The following CHST14 variants were observed in gnomAD, a reference collection of about 807,000 sequenced individuals.
CHST14 encodes the protein carbohydrate (N-acetylgalactosamine 4-0) sulfotransferase 14.
Under a neutral mutation model 22.7 loss-of-function variants are expected in CHST14, and 13 were observed. The observed-to-expected ratio is 0.57, with a 90% CI of 0.37 to 0.91. The LOEUF is 0.91. Ranked by LOEUF, CHST14 falls within the 40% of genes least tolerant of loss-of-function variation. The pLI is 0.01. For missense variants in CHST14, 466 were observed against 513.1 expected, an observed-to-expected ratio of 0.91 and a Z score of 0.89; for synonymous variants, 233 against 231.9, an observed-to-expected ratio of 1.00 and a Z score of -0.04.
rs1325275745 is a variant in CHST14, at chr15:40,471,871, C to G, written c.658C>G (p.Leu220Val). The G allele has an allele frequency of 1.2e-6, 2 of 1,614,074 alleles. No individual in the cohort carries two copies. Among genetic ancestry groups the G allele is most frequent in the African/African-American group, 1.3e-5 (1 of 75,070 alleles). ...LFVREPLERLLSAYRNKFGEI... is the reference protein window; with the variant it reads ...LFVREPLERLVSAYRNKFGEI... ...TGTGCGGGAGCCCTTGGAACGCCTCCTCTCTGCCTACCGCAACAAGTTTGG... is the reference window on the plus strand; with the variant it reads ...TGTGCGGGAGCCCTTGGAACGCCTCGTCTCTGCCTACCGCAACAAGTTTGG... Residue 220 changes from leucine (L) to valine (V), a missense_variant, in exon 1 of 1, where the codon CTC becomes GTC. Physicochemically the swap from Leu to Val is conservative, Grantham distance 32 (BLOSUM62 1). Transcript: ENST00000306243. This position sits in a 1 kb window ranked among gnomAD's most constrained non-coding sequence, Gnocchi z 6.4.
In CHST14 at chr15:40,471,526, C is replaced by G. The variant is rs760814663; in HGVS notation, c.313C>G (p.Arg105Gly). The change falls in exon 1 of 1, where the codon CGG becomes GGG. Residue 105 changes from arginine (R) to glycine (G), a missense_variant. Transcript: ENST00000306243. The surrounding 1 kb of genome is among the most constrained non-coding windows in gnomAD (Gnocchi z 6.4). ...GGCTGGGGACGCGGACTTGCAAGTG[C>G]GGCAGGACGTCCGGAACAGGACCCT... ...LRAGDADLQV[R>G]QDVRNRTLRA... is the part of the protein sequence containing the mutation. 9.4e-6 allele frequency: 15 copies of G among 1,600,706 alleles called. No individual in the cohort carries two copies. The highest frequency in any genetic ancestry group is 1.3e-5 in the African/African-American group (1 of 74,862).
At position 40,471,476 on chromosome 15, in the gene CHST14, C is replaced by A; in HGVS notation, c.263C>A (p.Pro88His). Residue 88 changes from proline to histidine, a missense_variant, in exon 1 of 1, where the codon CCC (proline) becomes CAC (histidine). By Grantham distance (77) the Pro-to-His change is moderately conservative. Transcript: ENST00000306243. The surrounding 1 kb of genome is among the most constrained non-coding windows in gnomAD (Gnocchi z 6.4). ...GGCACAGCCTGGCGCGGGAAAGCCC[C>A]CAAGCCTGGGGGCCTGTCCCTCAGG... ...REGTAWRGKA[P>H]KPGGLSLRAG... 6.3e-7 allele frequency: 1 copy of A among 1,597,444 alleles called. No homozygotes were observed.
At position 40,471,831 on chromosome 15, in the gene CHST14, C is replaced by T. The variant is rs1247867672; in HGVS notation, c.618C>T (p.Tyr206=). 6.2e-7 allele frequency: 1 copy of T among 1,613,876 alleles called. No homozygotes were observed. Among genetic ancestry groups the T allele is most frequent in the East Asian group, 2.2e-5 (1 of 44,878 alleles). The change falls in exon 1 of 1, where the codon TAC becomes TAT. Residue 206 remains tyrosine, a synonymous_variant. Coordinates refer to ENST00000306243, the MANE Select transcript of CHST14 (RefSeq NM_130468.4). This position sits in a 1 kb window ranked among gnomAD's most constrained non-coding sequence, Gnocchi z 6.4. Reference sequence around the variant, plus strand: ...AGATTCGCTACCGCCTGCAGCACTACTTTAAGTTCCTGTTTGTGCGGGAGC... The same window carrying T: ...AGATTCGCTACCGCCTGCAGCACTATTTTAAGTTCCTGTTTGTGCGGGAGC... ...PEEIRYRLQH[Y]FKFLFVREPL...
chr15:40,471,880 T>C lies in CHST14; in HGVS notation c.667T>C (p.Tyr223His). Reference sequence around the variant, plus strand: ...GCCCTTGGAACGCCTCCTCTCTGCCTACCGCAACAAGTTTGGCGAGATCCG... The same window carrying C: ...GCCCTTGGAACGCCTCCTCTCTGCCCACCGCAACAAGTTTGGCGAGATCCG... ...REPLERLLSAYRNKFGEIREY... is the reference protein window; with the variant it reads ...REPLERLLSAHRNKFGEIREY... The change falls in exon 1 of 1, where the codon TAC becomes CAC. Residue 223 changes from tyrosine to histidine, a missense_variant. Coordinates refer to ENST00000306243, the MANE Select transcript of CHST14 (RefSeq NM_130468.4). The surrounding 1 kb of genome is among the most constrained non-coding windows in gnomAD (Gnocchi z 6.4). The C allele has an allele frequency of 6.2e-7, 1 of 1,614,090 alleles. No homozygotes were observed. Among genetic ancestry groups the C allele is most frequent in the Non-Finnish European group, 8.5e-7 (1 of 1,180,048 alleles).
rs1566969210 is a variant in CHST14, at chr15:40,471,736, A to G, written c.523A>G (p.Ser175Gly). Residue 175 changes from serine to glycine, a missense_variant, in exon 1 of 1, where the codon AGC becomes GGC. Coordinates refer to ENST00000306243, the MANE Select transcript of CHST14 (RefSeq NM_130468.4). The surrounding 1 kb of genome is among the most constrained non-coding windows in gnomAD (Gnocchi z 6.4). ...VMKVLAGVLDSVDVRLKMDHR... is the reference protein window; with the variant it reads ...VMKVLAGVLDGVDVRLKMDHR... ...GAAGGTGCTGGCAGGCGTCCTGGACAGCGTGGACGTCCGCCTCAAGATGGA... is the reference window on the plus strand; with the variant it reads ...GAAGGTGCTGGCAGGCGTCCTGGACGGCGTGGACGTCCGCCTCAAGATGGA... 6.2e-7 allele frequency: 1 copy of G among 1,613,504 alleles called. No homozygotes were observed. The highest frequency in any genetic ancestry group is 8.5e-7 in the Non-Finnish European group (1 of 1,180,032).
Position 40,471,305 on chromosome 15 carries a change from G to T in CHST14, c.92G>T (p.Arg31Leu), listed in dbSNP as rs1266205241. 1.3e-6 allele frequency: 2 copies of T among 1,533,186 alleles called. No individual in the cohort carries two copies. The highest frequency in any genetic ancestry group is 1.4e-5 in the African/African-American group (1 of 72,420). The allele number at this position is 1,533,186 out of a possible 1,614,324, so 95.0% of individuals were successfully genotyped here. Residue 31 changes from arginine (R) to leucine (L), a missense_variant, in exon 1 of 1, where the codon CGG becomes CTG. Arg to Leu is a moderately radical substitution (Grantham distance 102, BLOSUM62 -2). Coordinates refer to ENST00000306243, the MANE Select transcript of CHST14 (RefSeq NM_130468.4). This position sits in a 1 kb window ranked among gnomAD's most constrained non-coding sequence, Gnocchi z 6.4. The part of the protein sequence containing the change: ...ALRRAPLGRA[R>L]AGLGGPPLLL... ...AGGCGGGCCCCTCTGGGCAGGGCCC[G>T]GGCGGGGCTGGGTGGGCCGCCCCTG...
At position 40,472,379 on chromosome 15, in the gene CHST14, G is replaced by A; in HGVS notation, c.*35G>A. 6.4e-7 allele frequency: 1 copy of A among 1,561,916 alleles called. No homozygotes were observed. The highest frequency in any genetic ancestry group is 8.7e-7 in the Non-Finnish European group (1 of 1,154,526). On this transcript the variant is annotated 3_prime_UTR_variant, in exon 1 of 1. Coordinates refer to ENST00000306243, the MANE Select transcript of CHST14 (RefSeq NM_130468.4). ...TGGGGCCAGCAGCTGGTGGGGACTGGTTTCAACGCCAGCTTTCTGTGCTTC... is the reference window on the plus strand; with the variant it reads ...TGGGGCCAGCAGCTGGTGGGGACTGATTTCAACGCCAGCTTTCTGTGCTTC...
rs1242855958 is a variant in CHST14, at chr15:40,471,368, C to T, written c.155C>T (p.Ala52Val). The change falls in exon 1 of 1, where the codon GCC becomes GTC. Residue 52 changes from alanine (A) to valine (V), a missense_variant. Transcript: ENST00000306243. The surrounding 1 kb of genome is among the most constrained non-coding windows in gnomAD (Gnocchi z 6.4). Reference protein sequence around the residue: ...PSMLMFAVIVASSGLLLMIER... With the variant: ...PSMLMFAVIVVSSGLLLMIER... Reference sequence around the variant, plus strand: ...ATGCTGATGTTTGCGGTGATCGTGGCCTCCAGCGGGCTGCTGCTCATGATC... The same window carrying T: ...ATGCTGATGTTTGCGGTGATCGTGGTCTCCAGCGGGCTGCTGCTCATGATC... The T allele has an allele frequency of 1.9e-6, 3 of 1,556,082 alleles. No homozygotes were observed. Among genetic ancestry groups the T allele is most frequent in the Admixed American group, 1.9e-5 (1 of 52,970 alleles).
rs987480829 is a variant in CHST14 at position 40,472,966 on chromosome 15, T to C, written c.*622T>C. The C allele has an allele frequency of 6.0e-6, 1 of 167,196 alleles. No individual in the cohort carries two copies. The highest frequency in any genetic ancestry group is 1.5e-5 in the Non-Finnish European group (1 of 68,192). 10.4% of individuals were successfully genotyped at this position (167,196 alleles called of 1,614,324 possible). ...AGACCCTCTGTGCCCAGCCTCTTCC[T>C]TGAGTTCTCGGAACCTCCTCCCTAA... On this transcript the variant is annotated 3_prime_UTR_variant, in exon 1 of 1. Coordinates refer to ENST00000306243, the MANE Select transcript of CHST14 (RefSeq NM_130468.4).
At position 40,471,463 on chromosome 15, in the gene CHST14, C is replaced by A. The variant is rs561964206; in HGVS notation, c.250C>A (p.Arg84Ser). 53 of 1,590,434 alleles carry A rather than the reference C, an allele frequency of 3.3e-5. No homozygotes were observed. The highest frequency in any genetic ancestry group is 4.4e-5 in the Non-Finnish European group (52 of 1,173,152). ...GCCCGGCCGCGAGGGCACAGCCTGGCGCGGGAAAGCCCCCAAGCCTGGGGG... is the reference window on the plus strand; with the variant it reads ...GCCCGGCCGCGAGGGCACAGCCTGGAGCGGGAAAGCCCCCAAGCCTGGGGG... ...HPPGREGTAW[R>S]GKAPKPGGLS... The change falls in exon 1 of 1, where the codon CGC becomes AGC. Residue 84 changes from arginine (R) to serine (S), a missense_variant. Physicochemically the swap from Arg to Ser is moderately radical, Grantham distance 110 (BLOSUM62 -1). Coordinates refer to ENST00000306243, the MANE Select transcript of CHST14 (RefSeq NM_130468.4). The surrounding 1 kb of genome is among the most constrained non-coding windows in gnomAD (Gnocchi z 6.4).
Position 40,472,183 on chromosome 15 carries a change from C to T in CHST14, c.970C>T (p.Arg324Cys), listed in dbSNP as rs757297535. The change falls in exon 1 of 1, where the codon CGC (arginine) becomes TGC (cysteine). Residue 324 changes from arginine to cysteine, a missense_variant. Coordinates refer to ENST00000306243, the MANE Select transcript of CHST14 (RefSeq NM_130468.4). The stretch of plus-strand genomic sequence containing the variant: ...ACCACCTCACGTCCGATTTCCAGCT[C>T]GCCAGGCCTGGTACCGGCCAGCCAG... ...RAPPHVRFPA[R>C]QAWYRPASPE... The T allele has an allele frequency of 3.7e-6, 6 of 1,613,978 alleles. No homozygotes were observed. The Admixed American group carries it at 5.0e-5, about 13-fold the overall frequency.
rs1445518659 is a variant in CHST14, at chr15:40,471,047, C to A, written c.-167C>A. ...CCGCCGCCCGCCGCCCGCTTCGGCG[C>A]CGCAGCCCGGGAGCCGGCCACCCCT... On this transcript the variant is annotated 5_prime_UTR_variant, in exon 1 of 1. Coordinates refer to ENST00000306243, the MANE Select transcript of CHST14 (RefSeq NM_130468.4). This position sits in a 1 kb window ranked among gnomAD's most constrained non-coding sequence, Gnocchi z 6.4. 4 of 360,748 alleles carry A rather than the reference C, an allele frequency of 1.1e-5. No homozygotes were observed. In the East Asian group the frequency reaches 1.7e-4, roughly 15 times the overall value. 22.3% of individuals were successfully genotyped at this position (360,748 alleles called of 1,614,324 possible).
rs1327840065 is a variant in CHST14 at position 40,471,118 on chromosome 15, C to A, written c.-96C>A. ...CTGCCCTCCCCTCCCCAACTACCCC[C>A]GGTCCCAGACCCTCCTCCCGCCCCC... On this transcript the variant is annotated 5_prime_UTR_variant, in exon 1 of 1. Coordinates refer to ENST00000306243, the MANE Select transcript of CHST14 (RefSeq NM_130468.4). The surrounding 1 kb of genome is among the most constrained non-coding windows in gnomAD (Gnocchi z 6.4). 1 of 482,978 alleles carries A rather than the reference C, an allele frequency of 2.1e-6. No individual in the cohort carries two copies. The highest frequency in any genetic ancestry group is 2.1e-5 in the African/African-American group (1 of 48,402). The allele number at this position is 482,978 out of a possible 1,614,324, so 29.9% of individuals were successfully genotyped here.
chr15:40,471,135 C>T lies in CHST14; in HGVS notation c.-79C>T, dbSNP rs1014520536. On this transcript the variant is annotated 5_prime_UTR_variant, in exon 1 of 1. Transcript: ENST00000306243. The surrounding 1 kb of genome is among the most constrained non-coding windows in gnomAD (Gnocchi z 6.4). ...ACTACCCCCGGTCCCAGACCCTCCT[C>T]CCGCCCCCAGCCCGAGCCCGCCTTC... is the stretch of plus-strand genomic sequence containing the variant. 3.1e-5 allele frequency: 12 copies of T among 381,006 alleles called. No homozygotes were observed. The highest frequency in any genetic ancestry group is 4.4e-5 in the African/African-American group (2 of 45,372). The allele number at this position is 381,006 out of a possible 1,614,324, so 23.6% of individuals were successfully genotyped here. A position where few individuals can be genotyped will look rare whatever the true frequency, so the allele number is the denominator to read the frequency against.
At position 40,472,056 on chromosome 15, in the gene CHST14, C is replaced by G; in HGVS notation, c.843C>G (p.Pro281=). 6.2e-7 allele frequency: 1 copy of G among 1,614,192 alleles called. No homozygotes were observed. Among genetic ancestry groups the G allele is most frequent in the Non-Finnish European group, 8.5e-7 (1 of 1,180,036 alleles). Residue 281 remains proline (P), a synonymous_variant, in exon 1 of 1, where the codon CCC becomes CCG. Transcript: ENST00000306243. The stretch of plus-strand genomic sequence containing the variant: ...AGCGCATGAATGAGCATTGGATGCC[C>G]GTGTACCACCTGTGCCAGCCTTGTG... ...DPERMNEHWM[P]VYHLCQPCAV... is the part of the protein sequence containing the mutation.
In CHST14 at chr15:40,471,705, G is replaced by T. The variant is rs183422103; in HGVS notation, c.492G>T (p.Arg164=). ...AGGTGGCCTGCTCTAACTGGAAGCG[G>T]GTGATGAAGGTGCTGGCAGGCGTCC... is the stretch of plus-strand genomic sequence containing the variant. ...VPKVACSNWK[R]VMKVLAGVLD... is the part of the protein sequence containing the mutation. Residue 164 remains arginine (R), a synonymous_variant, in exon 1 of 1, where the codon CGG becomes CGT. Transcript: ENST00000306243. This position sits in a 1 kb window ranked among gnomAD's most constrained non-coding sequence, Gnocchi z 6.4. 1 of 1,613,674 alleles carries T rather than the reference G, an allele frequency of 6.2e-7. No homozygotes were observed. Among genetic ancestry groups the T allele is most frequent in the Non-Finnish European group, 8.5e-7 (1 of 1,180,034 alleles).
rs1404606273 is a variant in CHST14, at chr15:40,472,611, C to T, written c.*267C>T. 4 of 499,596 alleles carry T rather than the reference C, an allele frequency of 8.0e-6. No individual in the cohort carries two copies. The highest frequency in any genetic ancestry group is 1.5e-5 in the Non-Finnish European group (4 of 272,974). The allele number at this position is 499,596 out of a possible 1,614,324, so 30.9% of individuals were successfully genotyped here. On this transcript the variant is annotated 3_prime_UTR_variant, in exon 1 of 1. Transcript: ENST00000306243. ...TTGCCAATGAAGCAACACATCTGAT[C>T]TAAAGACTGGCTCCAGACCCCGGGC... is the stretch of plus-strand genomic sequence containing the variant.
At position 40,472,198 on chromosome 15, in the gene CHST14, C is replaced by G; in HGVS notation, c.985C>G (p.Arg329Gly). 1 of 1,614,116 alleles carries G rather than the reference C, an allele frequency of 6.2e-7. No homozygotes were observed. The highest frequency in any genetic ancestry group is 1.3e-5 in the African/African-American group (1 of 75,056). The change falls in exon 1 of 1, where the codon CGG becomes GGG. Residue 329 changes from arginine to glycine, a missense_variant. Physicochemically the swap from Arg to Gly is moderately radical, Grantham distance 125. Coordinates refer to ENST00000306243, the MANE Select transcript of CHST14 (RefSeq NM_130468.4). ...VRFPARQAWY[R>G]PASPESLHYH... ...ATTTCCAGCTCGCCAGGCCTGGTAC[C>G]GGCCAGCCAGCCCCGAAAGCCTGCA...
chr15:40,471,059 A>C lies in CHST14; in HGVS notation c.-155A>C. The C allele has an allele frequency of 1.1e-5, 4 of 368,428 alleles. No individual in the cohort carries two copies. The highest frequency in any genetic ancestry group is 2.1e-5 in the African/African-American group (1 of 46,856). The allele number at this position is 368,428 out of a possible 1,614,324, so 22.8% of individuals were successfully genotyped here. A position where few individuals can be genotyped will look rare whatever the true frequency, so the allele number is the denominator to read the frequency against. Reference sequence around the variant, plus strand: ...GCCCGCTTCGGCGCCGCAGCCCGGGAGCCGGCCACCCCTACACGCGCCAGG... The same window carrying C: ...GCCCGCTTCGGCGCCGCAGCCCGGGCGCCGGCCACCCCTACACGCGCCAGG... On this transcript the variant is annotated 5_prime_UTR_variant, in exon 1 of 1. Transcript: ENST00000306243. This position sits in a 1 kb window ranked among gnomAD's most constrained non-coding sequence, Gnocchi z 6.4.
Sources: gnomAD v4.1 joint callset for allele counts on GRCh38, gnomAD v4.1.1 for gene constraint, Gnocchi (gnomAD v3.1) non-coding constraint, MANE v1.5 for transcripts, NCBI Gene and HGNC (gene_info 2026-07-23, HGNC 2026-07-21) for gene names.